F13B: variants seen among roughly 807,000 people sequenced by gnomAD.
F13B encodes TGase.
F13B carries 58 observed loss-of-function variants against 79.8 expected under a neutral mutation model. The observed-to-expected ratio is 0.73, with a 90% confidence interval of 0.59 to 0.90. The LOEUF (loss-of-function observed/expected upper bound fraction) is 0.90, where lower values mean the gene tolerates loss of function less well. F13B is among the 40% of genes least tolerant of loss of function. The pLI is 0.00. For synonymous variants in F13B, 283 were observed against 260.3 expected, an observed-to-expected ratio of 1.09 and a Z score of -0.84; for missense variants, 773 against 777.0, an observed-to-expected ratio of 0.99 and a Z score of 0.06.
At chr1:197,045,702 A>C (rs1331395026) in intron 10 of F13B, among the ~76,000 whole-genome samples, 3 of 152,162 alleles carry the variant, frequency 2.0e-5, no homozygotes, top group African/African-American at 7.2e-5. Flanking sequence ...GCAGAGACAC[A>C]ACAACAACAA....
chr1:197,048,499 CA>C (rs17549741), intron 10 of F13B, among the ~76,000 whole-genome samples: 286 of 146,172 alleles, frequency 2.0e-3, no homozygotes, highest in African/African-American at 6.9e-3. Flanking sequence ...GACCTCAAGG[CA>C]AAAAAAAAGG....
chr1:197,046,184 G>T (rs1019491722), intron 10 of F13B, among the ~76,000 whole-genome samples: 1 of 152,124 alleles, frequency 6.6e-6, no homozygotes, highest in African/African-American at 2.4e-5. Context: ...TCAAGAGAAA[G>T]AAATAAATGG....
At chr1:197,053,658 A>G (rs1395985226) in intron 8 of F13B, among the ~76,000 whole-genome samples, 1 of 152,070 alleles carries the variant, frequency 6.6e-6, no homozygotes, top group Non-Finnish European at 1.5e-5. Flanking sequence ...AAACTACAGC[A>G]TAAGATAAAT....
At chr1:197,041,171 C>A (rs1655024255) in intron 10 of F13B, among the ~76,000 whole-genome samples, 1 of 152,030 alleles carries the variant, frequency 6.6e-6, no homozygotes, top group South Asian at 2.1e-4. Context: ...GTATAAATAA[C>A]ATTTTATGGA....
At chr1:197,065,669 G>C (rs1180283214) in intron 1 of F13B, among the ~76,000 whole-genome samples, 2 of 152,138 alleles carry the variant, frequency 1.3e-5, no homozygotes, top group Non-Finnish European at 2.9e-5. Flanking sequence ...AATGCTATCT[G>C]TGAGTGAATA....
chr1:197,056,981 T>G (rs1394307319), intron 7 of F13B, 32 bp downstream of exon 7: 2 of 1,606,184 alleles, frequency 1.2e-6, no homozygotes, highest in Admixed American at 1.7e-5. Context: ...CACCATAAGT[T>G]TAGCTACTGA....
rs775347330 is a variant in F13B at position 197,067,226 on chromosome 1, T to C, written c.-3A>G. The C allele has an allele frequency of 6.2e-7, 1 of 1,605,614 alleles. No individual in the cohort carries two copies. ...AAAGTCAGGTTTTTCAACCTCATCT[T>C]CAGTGGTGTGCTTCACAAAGATTTT... is the stretch of plus-strand genomic sequence containing the variant. On this transcript the variant is annotated 5_prime_UTR_variant, in exon 1 of 12. Coordinates refer to ENST00000367412, the MANE Select transcript of F13B (RefSeq NM_001994.3).
chr1:197,040,359 A>C (rs1019694511), intron 11 of F13B, 163 bp downstream of exon 11: 1 of 595,876 alleles, frequency 1.7e-6, no homozygotes, highest in African/African-American at 1.9e-5. Flanking sequence ...ATTGATTACC[A>C]CTTCCAGTTG....
intron 10 of F13B, among the ~76,000 whole-genome samples, chr1:197,041,239 G>A (rs1300557605): frequency 2.6e-5 from 4 of 152,080 alleles, no homozygotes; most frequent in African/African-American, 9.7e-5. Context: ...CAAAATGGTT[G>A]ACAGTTACTT....
intron 10 of F13B, among the ~76,000 whole-genome samples, chr1:197,047,266 C>A (rs1655267748): frequency 6.6e-6 from 1 of 152,108 alleles, no homozygotes; most frequent in Non-Finnish European, 1.5e-5. Context: ...ATCCATCTGA[C>A]AAAGAGCTAC....
chr1:197,052,543 G>C, intron 9 of F13B, 91 bp downstream of exon 9: 2 of 828,724 alleles, frequency 2.4e-6, no homozygotes, highest in Non-Finnish European at 3.8e-6. Context: ...ATAATAATAA[G>C]AAAAATAGCA....
intron 8 of F13B, 104 bp downstream of exon 8, chr1:197,055,611 G>A (rs1655611851): frequency 3.2e-6 from 4 of 1,252,150 alleles, no homozygotes; most frequent in Non-Finnish European, 4.6e-6. Context: ...GAAAACACTT[G>A]TGAAAAAAGA....
At chr1:197,056,977 A>G in intron 7 of F13B, 36 bp downstream of exon 7, 1 of 1,603,238 alleles carries the variant, frequency 6.2e-7, no homozygotes, top group South Asian at 1.1e-5. Flanking sequence ...TTTACACCAT[A>G]AGTTTAGCTA....
intron 1 of F13B, 51 bp downstream of exon 1, chr1:197,067,109 A>G: frequency 9.5e-7 from 1 of 1,052,100 alleles, no homozygotes; most frequent in South Asian, 1.5e-5. Flanking sequence ...AAATATTAGA[A>G]TCTCCATTTG....
intron 10 of F13B, among the ~76,000 whole-genome samples, chr1:197,049,987 A>G (rs191300498): frequency 2.0e-4 from 30 of 152,254 alleles, no homozygotes; most frequent in South Asian, 6.2e-4. Flanking sequence ...CTTTAAAAAT[A>G]CTTTCGGCAA....
At position 197,060,492 on chromosome 1, in the gene F13B, C is replaced by A. The variant is rs1237933050; in HGVS notation, c.679G>T (p.Val227Leu). ...RLIENGYFHP[V>L]KQTYEEGDVV... Reference sequence around the variant, plus strand: ...TCTCCTTCTTCATAGGTTTGCTTTACAGGATGAAAATAACCATTTTCAATT... The same window carrying A: ...TCTCCTTCTTCATAGGTTTGCTTTAAAGGATGAAAATAACCATTTTCAATT... The change falls in exon 5 of 12, where the codon GTA becomes TTA. Residue 227 changes from valine to leucine, a missense_variant. Val to Leu is a conservative substitution (Grantham distance 32). Transcript: ENST00000367412. The A allele has an allele frequency of 6.2e-7, 1 of 1,605,706 alleles. No homozygotes were observed. The highest frequency in any genetic ancestry group is 1.7e-5 in the Admixed American group (1 of 59,094).
chr1:197,052,942 T>C, intron 8 of F13B, 108 bp from the exon 9 acceptor site: 1 of 779,928 alleles, frequency 1.3e-6, no homozygotes, highest in Non-Finnish European at 2.1e-6. Flanking sequence ...ATTTTATAAT[T>C]GAAATCATAA....
chr1:197,063,837 T>C (rs1160481431), intron 1 of F13B, among the ~76,000 whole-genome samples: 2 of 152,142 alleles, frequency 1.3e-5, no homozygotes, highest in African/African-American at 4.8e-5. Context: ...CTTGAACTAG[T>C]GACATTTTAA....
At position 197,039,248 on chromosome 1, in the gene F13B, A is replaced by T. The variant is rs1354621463; in HGVS notation, c.*130T>A. Reference sequence around the variant, plus strand: ...ATTTATAAATAACGAAATGTTCAGCACAAATAATTTAGATTCAAATATTTA... The same window carrying T: ...ATTTATAAATAACGAAATGTTCAGCTCAAATAATTTAGATTCAAATATTTA... On this transcript the variant is annotated 3_prime_UTR_variant, in exon 12 of 12. Transcript: ENST00000367412. The T allele has an allele frequency of 5.3e-6, 4 of 760,360 alleles. No homozygotes were observed. Among genetic ancestry groups the T allele is most frequent in the Non-Finnish European group, 9.0e-6 (4 of 445,924 alleles). The allele number at this position is 760,360 out of a possible 1,614,324, so 47.1% of individuals were successfully genotyped here.
Sources: allele counts gnomAD v4.1 joint callset (sites outside exome capture counted in the v4.1 genomes callset), GRCh38; gene constraint gnomAD v4.1.1; transcripts MANE v1.5; gene names NCBI Gene and HGNC (gene_info 2026-07-23, HGNC 2026-07-21).